The following COMMD10 variants were observed in gnomAD, a reference collection of about 807,000 sequenced individuals.
COMMD10 encodes the protein COMM domain containing 10.
Under a neutral mutation model 28.9 loss-of-function variants are expected in COMMD10, and 33 were observed. That is an observed-to-expected ratio of 1.14 (90% CI 0.87 to 1.53). The LOEUF (loss-of-function observed/expected upper bound fraction) is 1.53, where lower values mean the gene tolerates loss of function less well. Among genes scored for constraint, COMMD10 ranks in the 40% most tolerant of loss-of-function variants. COMMD10 has a pLI of 0.00. For missense variants in COMMD10, 310 were observed against 233.4 expected, an observed-to-expected ratio of 1.33 and a Z score of -2.14; for synonymous variants, 110 against 81.7, an observed-to-expected ratio of 1.35 and a Z score of -1.87.
chr5:116,161,506 C>G (rs550238148), intron 5 of COMMD10, among the ~76,000 whole-genome samples: 1 of 151,886 alleles, frequency 6.6e-6, no homozygotes, highest in Non-Finnish European at 1.5e-5. Context: ...CTTTTGACTC[C>G]CCGAGACCTT....
At chr5:116,124,883 G>A (rs1751568654) in intron 4 of COMMD10, among the ~76,000 whole-genome samples, 1 of 152,030 alleles carries the variant, frequency 6.6e-6, no homozygotes, top group African/African-American at 2.4e-5. Context: ...GACTAGGATT[G>A]CAACCCCTCC....
chr5:116,261,839 T>G (rs776102107), intron 5 of COMMD10, among the ~76,000 whole-genome samples: 2 of 151,800 alleles, frequency 1.3e-5, no homozygotes, highest in Non-Finnish European at 2.9e-5. Flanking sequence ...CAACCTTTGG[T>G]TCCACTGGCC....
At chr5:116,250,052 A>G (rs890599638) in intron 5 of COMMD10, among the ~76,000 whole-genome samples, 3 of 151,984 alleles carry the variant, frequency 2.0e-5, no homozygotes, top group African/African-American at 7.2e-5. Flanking sequence ...TATTCCCTCA[A>G]ACTTCCATGT....
At chr5:116,097,414 G>A (rs1750505777) in intron 4 of COMMD10, among the ~76,000 whole-genome samples, 1 of 152,088 alleles carries the variant, frequency 6.6e-6, no homozygotes. Flanking sequence ...ATAAAATTGA[G>A]GCTTAGAGAG....
At chr5:116,163,832 T>C (rs1255815793) in intron 5 of COMMD10, among the ~76,000 whole-genome samples, 3 of 152,200 alleles carry the variant, frequency 2.0e-5, no homozygotes, top group African/African-American at 7.2e-5. Flanking sequence ...ATTTTTTAAA[T>C]TGAATGATGT....
At chr5:116,180,764 A>G (rs1291614560) in intron 5 of COMMD10, among the ~76,000 whole-genome samples, 2 of 152,086 alleles carry the variant, frequency 1.3e-5, no homozygotes, top group Non-Finnish European at 2.9e-5. Context: ...ATTTAGGGGG[A>G]TCGCATATAT....
intron 4 of COMMD10, among the ~76,000 whole-genome samples, chr5:116,111,990 A>G (rs184609232): frequency 3.3e-5 from 5 of 152,278 alleles, no homozygotes; most frequent in East Asian, 1.9e-4. Flanking sequence ...GTCCTCTTGT[A>G]GAACTGACAC....
chr5:116,136,406 G>T (rs60104507), intron 5 of COMMD10, among the ~76,000 whole-genome samples: 17,013 of 152,054 alleles, frequency 0.11, 1,375 homozygotes, highest in African/African-American at 0.22. Flanking sequence ...TTTATTTTTC[G>T]TGACTACCTA....
At chr5:116,085,253 G>C (rs967384090) in intron 1 of COMMD10, 160 bp downstream of exon 1, 19 of 676,078 alleles carry the variant, frequency 2.8e-5, no homozygotes, top group Non-Finnish European at 4.3e-5. Flanking sequence ...CTGCGTCTGC[G>C]GAGTGCGTGG....
At chr5:116,165,083 C>G (rs1753046128) in intron 5 of COMMD10, among the ~76,000 whole-genome samples, 1 of 152,162 alleles carries the variant, frequency 6.6e-6, no homozygotes, top group South Asian at 2.1e-4. Context: ...TCTCAAGTTT[C>G]TGACATATCC....
intron 3 of COMMD10, among the ~76,000 whole-genome samples, chr5:116,091,994 G>T (rs143460249): frequency 7.9e-5 from 12 of 152,212 alleles, no homozygotes; most frequent in African/African-American, 2.4e-4. Context: ...ATTTTTGGTG[G>T]GTGTTCAGTA....
intron 5 of COMMD10, among the ~76,000 whole-genome samples, chr5:116,184,000 T>C (rs4286716): frequency 0.91 from 137,713 of 152,104 alleles, 62,403 homozygotes; most frequent in East Asian, 0.97. Flanking sequence ...TAATCAGTCA[T>C]CCGTTAAGGG....
chr5:116,136,222 T>G (rs1752021439), intron 5 of COMMD10, among the ~76,000 whole-genome samples: 1 of 152,144 alleles, frequency 6.6e-6, no homozygotes, highest in African/African-American at 2.4e-5. Context: ...TTACTGGAAA[T>G]TAGGAGGGGA....
At chr5:116,119,462 C>G (rs1480530960) in intron 4 of COMMD10, among the ~76,000 whole-genome samples, 3 of 152,186 alleles carry the variant, frequency 2.0e-5, no homozygotes, top group African/African-American at 7.2e-5. Flanking sequence ...TGGAGGCTGC[C>G]TAATGGGTAA....
intron 5 of COMMD10, among the ~76,000 whole-genome samples, chr5:116,206,476 C>G (rs895805382): frequency 6.6e-6 from 1 of 152,030 alleles, no homozygotes; most frequent in African/African-American, 2.4e-5. Context: ...CATGGTGAAA[C>G]CCAGTTTCCA....
At chr5:116,217,167 G>T (rs2112569) in intron 5 of COMMD10, among the ~76,000 whole-genome samples, 3 of 148,854 alleles carry the variant, frequency 2.0e-5, no homozygotes, top group Admixed American at 6.7e-5. Context: ...AAAAGTCCCC[G>T]CAATCCCACT....
intron 5 of COMMD10, among the ~76,000 whole-genome samples, chr5:116,276,447 G>T (rs563156751): frequency 2.0e-5 from 3 of 151,684 alleles, no homozygotes; most frequent in Non-Finnish European, 4.4e-5. Context: ...ATTTTGCCAG[G>T]TTGGTCTCAA....
chr5:116,153,872 A>C (rs1485611641), intron 5 of COMMD10, among the ~76,000 whole-genome samples: 1 of 152,096 alleles, frequency 6.6e-6, no homozygotes, highest in Admixed American at 6.6e-5. Context: ...ACCTTGATAA[A>C]GGGTTGGGTT....
intron 5 of COMMD10, among the ~76,000 whole-genome samples, chr5:116,287,212 CTG>C (rs1403613055): frequency 3.3e-5 from 5 of 151,636 alleles, no homozygotes; most frequent in South Asian, 2.1e-4. Context: ...TTTCAAAAAA[CTG>C]TGACAACATT....
Sources: gnomAD v4.1 joint callset for allele counts (sites outside exome capture counted in the v4.1 genomes callset) on GRCh38, gnomAD v4.1.1 for gene constraint, MANE v1.5 for transcripts, NCBI Gene and HGNC (gene_info 2026-07-23, HGNC 2026-07-21) for gene names.